The following MGAT5 variants were observed in gnomAD, a reference collection of about 807,000 sequenced individuals.
MGAT5 encodes the protein alpha-1,6-mannosylglycoprotein 6-beta-N-acetylglucosaminyltransferase.
A neutral mutation model predicts 94.3 loss-of-function variants in MGAT5; 30 were observed. The ratio of observed to expected loss-of-function variants is 0.32; its 90% CI spans 0.24 to 0.43. The LOEUF is 0.43. Among genes scored for constraint, MGAT5 ranks in the 20% least tolerant of loss-of-function variants. The pLI is 1.00. For missense variants in MGAT5, 691 were observed against 905.5 expected (o/e 0.76, Z 3.04); for synonymous variants, 310 against 322.9 (o/e 0.96, Z 0.43).
At chr2:134,121,270 G>C (rs1189597152) in intron 1 of MGAT5, among the ~76,000 whole-genome samples, 1 of 152,244 alleles carries the variant, frequency 6.6e-6, no homozygotes, top group Non-Finnish European at 1.5e-5. Flanking sequence ...GGCCTGGAGC[G>C]CGGCTCTCAG....
intron 1 of MGAT5, among the ~76,000 whole-genome samples, chr2:134,264,795 A>G (rs3791270): frequency 0.14 from 22,009 of 152,178 alleles, 2,575 homozygotes; most frequent in East Asian, 0.36. Context: ...TGTCTTTGCC[A>G]GTTTCTCCAG....
rs1049816379 is a variant in MGAT5 at position 134,406,607 on chromosome 2, G to A, written c.1530+3470G>A. ...ACAAAACCTGTCTAAGGCAGGTGCG[G>A]TGCAGTAGCTCACATCTGTAATCTT... On this transcript the variant is annotated intron_variant, in intron 11 of 15. Transcript: ENST00000281923. Among the ~76,000 whole-genome samples, 9 of 152,258 alleles carry A rather than the reference G, an allele frequency of 5.9e-5. No individual in the cohort carries two copies. In the South Asian group the frequency reaches 1.9e-3, roughly 32 times the overall value.
chr2:134,441,990 G>A, intron 15 of MGAT5, 75 bp downstream of exon 15: 1 of 1,532,570 alleles, frequency 6.5e-7, no homozygotes. Flanking sequence ...CAGGTGAGAG[G>A]TACAGGTTTC....
intron 8 of MGAT5, among the ~76,000 whole-genome samples, chr2:134,348,455 T>C (rs1689050814): frequency 6.6e-6 from 1 of 152,216 alleles, no homozygotes; most frequent in African/African-American, 2.4e-5. Flanking sequence ...TGACGAATGG[T>C]AGTGATCTCT....
intron 1 of MGAT5, among the ~76,000 whole-genome samples, chr2:134,183,919 G>A (rs959308754): frequency 2.0e-5 from 3 of 152,202 alleles, no homozygotes; most frequent in African/African-American, 2.4e-5. Flanking sequence ...CAGCCGAGAC[G>A]AAAATGAACA....
At position 134,405,162 on chromosome 2, in the gene MGAT5, C is replaced by T. The variant is rs1270820237; in HGVS notation, c.1530+2025C>T. 4.6e-5 allele frequency among the ~76,000 whole-genome samples: 7 copies of T among 152,222 alleles called. No individual in the cohort carries two copies. In the South Asian group the frequency reaches 1.0e-3, roughly 23 times the overall value. ...TTAGGAAATAGGCCAAAACGGAGAT[C>T]GCTGATGTCCAGGGGAGGACAGGAA... is the stretch of plus-strand genomic sequence containing the variant. On this transcript the variant is annotated intron_variant, in intron 11 of 15. Coordinates refer to ENST00000281923, the MANE Select transcript of MGAT5 (RefSeq NM_002410.5).
At chr2:134,430,765 A>G (rs1045381098) in intron 14 of MGAT5, among the ~76,000 whole-genome samples, 6 of 147,600 alleles carry the variant, frequency 4.1e-5, no homozygotes, top group African/African-American at 1.5e-4. Context: ...TTCTACTCTG[A>G]ATTATTTGTC....
chr2:134,289,172 G>A (rs1029921998), intron 2 of MGAT5, among the ~76,000 whole-genome samples: 1 of 152,132 alleles, frequency 6.6e-6, no homozygotes, highest in Non-Finnish European at 1.5e-5. Context: ...TATAGGTTGG[G>A]CACCGCAGTG....
At chr2:134,205,097 T>A (rs953397543) in intron 1 of MGAT5, among the ~76,000 whole-genome samples, 2 of 151,824 alleles carry the variant, frequency 1.3e-5, no homozygotes, top group African/African-American at 4.8e-5. Flanking sequence ...AAGGCCAGAG[T>A]TGTGTGCATG....
At chr2:134,287,512 G>A (rs972856049) in intron 2 of MGAT5, among the ~76,000 whole-genome samples, 3 of 152,188 alleles carry the variant, frequency 2.0e-5, no homozygotes, top group Non-Finnish European at 2.9e-5. Flanking sequence ...GAGGTTGGCT[G>A]TGAGTGAGGG....
intron 11 of MGAT5, among the ~76,000 whole-genome samples, chr2:134,408,960 C>T (rs1683494108): frequency 6.6e-6 from 1 of 152,180 alleles, no homozygotes; most frequent in Non-Finnish European, 1.5e-5. Context: ...TCACTGTAAA[C>T]CATATCATCT....
chr2:134,213,383 C>G (rs1250229781), intron 1 of MGAT5, among the ~76,000 whole-genome samples: 3 of 135,886 alleles, frequency 2.2e-5, no homozygotes, highest in Non-Finnish European at 4.6e-5. Context: ...GGGTCAGTGT[C>G]AAAAATTCTG....
chr2:134,413,003 A>G lies in MGAT5; in HGVS notation c.1665A>G (p.Pro555=). 2 of 1,614,198 alleles carry G rather than the reference A, an allele frequency of 1.2e-6. No homozygotes were observed. Among genetic ancestry groups the G allele is most frequent in the South Asian group, 1.1e-5 (1 of 91,086 alleles). ...ACACAGACTTTTTCATTGGCAAGCC[A>G]ACTCTGAGAGAGGTAAGCATCTATC... is the stretch of plus-strand genomic sequence containing the variant. ...SKNTDFFIGK[P]TLRELTSQHP... The change falls in exon 12 of 16, where the codon CCA becomes CCG. Residue 555 remains proline, a synonymous_variant. Coordinates refer to ENST00000281923, the MANE Select transcript of MGAT5 (RefSeq NM_002410.5).
intron 1 of MGAT5, among the ~76,000 whole-genome samples, chr2:134,157,666 A>G (rs1164729835): frequency 6.6e-6 from 1 of 152,130 alleles, no homozygotes; most frequent in African/African-American, 2.4e-5. Flanking sequence ...ATTGTAATAT[A>G]TAATGAAAAA....
intron 1 of MGAT5, among the ~76,000 whole-genome samples, chr2:134,162,462 A>G (rs1294996205): frequency 6.6e-6 from 1 of 152,206 alleles, no homozygotes; most frequent in African/African-American, 2.4e-5. Context: ...AGTAAATGCT[A>G]CTAATTGAGC....
At chr2:134,360,646 A>G (rs898859430) in intron 9 of MGAT5, among the ~76,000 whole-genome samples, 16 of 152,232 alleles carry the variant, frequency 1.1e-4, no homozygotes, top group Admixed American at 6.5e-4. Context: ...AAGCTGCATA[A>G]TAACACTGAG....
At chr2:134,238,878 G>A (rs938749154) in intron 1 of MGAT5, among the ~76,000 whole-genome samples, 1 of 152,164 alleles carries the variant, frequency 6.6e-6, no homozygotes, top group African/African-American at 2.4e-5. Context: ...AGGAGGTGGA[G>A]GTTGCGGTGA....
intron 11 of MGAT5, among the ~76,000 whole-genome samples, chr2:134,409,668 C>G (rs1164845405): frequency 6.6e-6 from 1 of 152,170 alleles, no homozygotes; most frequent in African/African-American, 2.4e-5. Context: ...TGTTCCCCAT[C>G]AAGAGTGAAA....
chr2:134,321,700 G>C (rs1687335039), intron 4 of MGAT5, among the ~76,000 whole-genome samples: 1 of 152,144 alleles, frequency 6.6e-6, no homozygotes, highest in South Asian at 2.1e-4. Flanking sequence ...GCAGATATCG[G>C]GTGGTCTTTT....
Sources: gnomAD v4.1 joint callset for allele counts (sites outside exome capture counted in the v4.1 genomes callset) on GRCh38, gnomAD v4.1.1 for gene constraint, MANE v1.5 for transcripts, NCBI Gene and HGNC (gene_info 2026-07-23, HGNC 2026-07-21) for gene names.